Variants in FSCN1 observed in about 807,000 individuals in gnomAD.
FSCN1 encodes the protein fascin actin-bundling protein 1.
FSCN1 carries 10 observed loss-of-function variants against 39.7 expected under a neutral mutation model. The ratio of observed to expected loss-of-function variants is 0.25; its 90% CI spans 0.16 to 0.43. The LOEUF is 0.43. Ranked by LOEUF, FSCN1 falls within the 20% of genes least tolerant of loss-of-function variation. The pLI is 1.00. For synonymous variants in FSCN1, 322 were observed against 320.0 expected, an observed-to-expected ratio of 1.01 and a Z score of -0.07; for missense variants, 525 against 723.8, an observed-to-expected ratio of 0.73 and a Z score of 3.15.
chr7:5,595,398 T>G (rs1176240952), intron 1 of FSCN1, among the ~76,000 whole-genome samples: 1 of 152,162 alleles, frequency 6.6e-6, no homozygotes, highest in Non-Finnish European at 1.5e-5. Flanking sequence ...CCACAGCGCA[T>G]GGCGGGCAGA....
At chr7:5,601,628 G>A (rs887157637) in intron 1 of FSCN1, among the ~76,000 whole-genome samples, 16 of 152,070 alleles carry the variant, frequency 1.1e-4, no homozygotes, top group African/African-American at 2.9e-4. Flanking sequence ...ATGTGAGGCC[G>A]GGAGTTCAAG....
At chr7:5,600,406 T>C (rs1785804227) in intron 1 of FSCN1, among the ~76,000 whole-genome samples, 1 of 151,960 alleles carries the variant, frequency 6.6e-6, no homozygotes, top group South Asian at 2.1e-4. Flanking sequence ...ACAGCGAGAC[T>C]CTCTTTCTCA....
chr7:5,605,355 T>C lies in FSCN1; in HGVS notation c.1363T>C (p.Phe455Leu), dbSNP rs1785914870. 6.2e-7 allele frequency: 1 copy of C among 1,613,912 alleles called. No homozygotes were observed. Among genetic ancestry groups the C allele is most frequent in the African/African-American group, 1.3e-5 (1 of 75,042 alleles). ...GDTPVDFFFE[F>L]CDYNKVAIKV... The stretch of plus-strand genomic sequence containing the variant: ...CACTCCTGTGGACTTCTTCTTCGAG[T>C]TCTGCGACTATAACAAGGTGGCCAT... Residue 455 changes from phenylalanine to leucine, a missense_variant, in exon 5 of 5, where the codon TTC becomes CTC. By Grantham distance (22) the Phe-to-Leu change is conservative. Transcript: ENST00000382361. The surrounding 1 kb of genome is among the most constrained non-coding windows in gnomAD (Gnocchi z 6.9).
intron 1 of FSCN1, among the ~76,000 whole-genome samples, chr7:5,594,363 G>A (rs999393297): frequency 2.0e-5 from 3 of 151,770 alleles, no homozygotes; most frequent in African/African-American, 4.8e-5. Flanking sequence ...TCCGCTGGTG[G>A]GGGGGGGCGC....
At chr7:5,602,302 G>T (rs1467186507) in intron 1 of FSCN1, among the ~76,000 whole-genome samples, 2 of 151,540 alleles carry the variant, frequency 1.3e-5, no homozygotes, top group Non-Finnish European at 2.9e-5. Flanking sequence ...CTCCCAAAAG[G>T]CTGGGATTGC....
Position 5,603,634 on chromosome 7 carries a change from A to T in FSCN1, c.1111+17A>T, listed in dbSNP as rs1785875127. 6.2e-7 allele frequency: 1 copy of T among 1,613,888 alleles called. No individual in the cohort carries two copies. The highest frequency in any genetic ancestry group is 8.5e-7 in the Non-Finnish European group (1 of 1,179,990). On this transcript the variant is annotated intron_variant, in intron 3 of 4. Coordinates refer to ENST00000382361, the MANE Select transcript of FSCN1 (RefSeq NM_003088.4). This position sits in a 1 kb window ranked among gnomAD's most constrained non-coding sequence, Gnocchi z 8.5. ...AGACAGCAGGTAACACTAAAGCCCC[A>T]GTTCCCTGGAGCCGTCCTGGAGTCC...
At chr7:5,598,296 A>G (rs1021986896) in intron 1 of FSCN1, among the ~76,000 whole-genome samples, 4 of 152,204 alleles carry the variant, frequency 2.6e-5, no homozygotes, top group African/African-American at 9.7e-5. Flanking sequence ...ATTGAACGCA[A>G]CAGGCTGATG....
In FSCN1 at chr7:5,605,386, T is replaced by C. The variant is rs775260668; in HGVS notation, c.1394T>C (p.Val465Ala). ...GACTATAACAAGGTGGCCATCAAGG[T>C]GGGCGGGCGCTACCTGAAGGGCGAC... ...FCDYNKVAIKVGGRYLKGDHA... is the reference protein window; with the variant it reads ...FCDYNKVAIKAGGRYLKGDHA... Residue 465 changes from valine to alanine, a missense_variant, in exon 5 of 5, where the codon GTG becomes GCG. Physicochemically the swap from Val to Ala is moderately conservative, Grantham distance 64. Coordinates refer to ENST00000382361, the MANE Select transcript of FSCN1 (RefSeq NM_003088.4). The surrounding 1 kb of genome is among the most constrained non-coding windows in gnomAD (Gnocchi z 6.9). The C allele has an allele frequency of 1.4e-5, 23 of 1,613,620 alleles. No individual in the cohort carries two copies. In the South Asian group the frequency reaches 2.1e-4, roughly 15 times the overall value.
chr7:5,602,938 A>G, intron 1 of FSCN1: 1 of 372,280 alleles, frequency 2.7e-6, no homozygotes, highest in Non-Finnish European at 5.0e-6. Flanking sequence ...TCAAACTCCT[A>G]GACTCAAACA....
rs530061072 is a variant in FSCN1, at chr7:5,599,363, C to T, written c.833-3894C>T. On this transcript the variant is annotated intron_variant, in intron 1 of 4. Transcript: ENST00000382361. The surrounding 1 kb of genome is among the most constrained non-coding windows in gnomAD (Gnocchi z 5.6). The stretch of plus-strand genomic sequence containing the variant: ...GCGTGGCAAGAGGGCCACCCACCTC[C>T]GGTCCAGAGAGCCAGCCAGACCCTT... Among the ~76,000 whole-genome samples the T allele has an allele frequency of 5.3e-4, 81 of 152,294 alleles. No individual in the cohort carries two copies. The highest frequency in any genetic ancestry group is 1.9e-3 in the African/African-American group (77 of 41,568).
In FSCN1 at chr7:5,605,727, C is replaced by T; in HGVS notation, c.*253C>T. On this transcript the variant is annotated 3_prime_UTR_variant, in exon 5 of 5. Coordinates refer to ENST00000382361, the MANE Select transcript of FSCN1 (RefSeq NM_003088.4). This position sits in a 1 kb window ranked among gnomAD's most constrained non-coding sequence, Gnocchi z 6.9. ...CTGGGAGGGATTTCAGATGCCCCTG[C>T]CCTCTTGTCTGCCACGGGGCGAGTC... 2.0e-6 allele frequency: 1 copy of T among 492,822 alleles called. No individual in the cohort carries two copies. The highest frequency in any genetic ancestry group is 3.6e-6 in the Non-Finnish European group (1 of 276,844). The allele number at this position is 492,822 out of a possible 1,614,324, so 30.5% of individuals were successfully genotyped here.
chr7:5,600,226 A>T (rs978935228), intron 1 of FSCN1, among the ~76,000 whole-genome samples: 1 of 152,114 alleles, frequency 6.6e-6, no homozygotes, highest in Non-Finnish European at 1.5e-5. Flanking sequence ...GGCCTGGCCA[A>T]CATAATGAAA....
chr7:5,600,716 C>G (rs1417010126), intron 1 of FSCN1, among the ~76,000 whole-genome samples: 1 of 149,154 alleles, frequency 6.7e-6, no homozygotes, highest in Admixed American at 6.7e-5. Context: ...TGCAGTGGCG[C>G]GATCTTGGCT....
chr7:5,600,562 G>A (rs1426678774), intron 1 of FSCN1, among the ~76,000 whole-genome samples: 1 of 151,826 alleles, frequency 6.6e-6, no homozygotes, highest in Non-Finnish European at 1.5e-5. Context: ...GCGGATCTCA[G>A]CTCACTGCAG....
intron 1 of FSCN1, among the ~76,000 whole-genome samples, chr7:5,600,270 C>T (rs1466893386): frequency 6.6e-6 from 1 of 151,818 alleles, no homozygotes; most frequent in African/African-American, 2.4e-5. Context: ...AAAAATTAGC[C>T]GGGCATAGTG....
At position 5,603,937 on chromosome 7, in the gene FSCN1, G is replaced by A. The variant is rs1218071313; in HGVS notation, c.1186G>A (p.Gly396Ser). 13 of 1,613,914 alleles carry A rather than the reference G, an allele frequency of 8.1e-6. No individual in the cohort carries two copies. Among genetic ancestry groups the A allele is most frequent in the South Asian group, 4.4e-5 (4 of 91,092 alleles). Residue 396 changes from glycine (G) to serine (S), a missense_variant, in exon 4 of 5, where the codon GGC becomes AGC. By Grantham distance (56) the Gly-to-Ser change is moderately conservative (BLOSUM62 0). Around this residue, in one of 3 missense-constraint regions of FSCN1, gnomAD observed 275 missense variants for 351.9 expected, o/e 0.78. Transcript: ENST00000382361. The surrounding 1 kb of genome is among the most constrained non-coding windows in gnomAD (Gnocchi z 8.5). ...GTTCCGCGGGGAGCATGGCTTCATC[G>A]GCTGCCGCAAGGTCACGGGCACCCT... ...IVFRGEHGFI[G>S]CRKVTGTLDA... is the part of the protein sequence containing the mutation.
intron 1 of FSCN1, among the ~76,000 whole-genome samples, chr7:5,597,615 C>T (rs535073338): frequency 7.9e-5 from 12 of 151,692 alleles, no homozygotes; most frequent in African/African-American, 2.2e-4. Flanking sequence ...TGCAGTGAGC[C>T]GAGATCGCAC....
intron 1 of FSCN1, chr7:5,594,053 C>T (rs1365247400): frequency 7.2e-6 from 3 of 415,382 alleles, no homozygotes; most frequent in Non-Finnish European, 1.3e-5. Context: ...TAACCCCCCC[C>T]CCCGCCCAAT....
intron 1 of FSCN1, among the ~76,000 whole-genome samples, chr7:5,602,221 T>TTTTTAAG (rs554819239): frequency 6.8e-6 from 1 of 148,002 alleles, no homozygotes; most frequent in African/African-American, 2.6e-5. Flanking sequence ...TTTTTTTTTT[T>TTTTTAAG]AAGTAGGGTC....
Sources: allele counts gnomAD v4.1 joint callset (sites outside exome capture counted in the v4.1 genomes callset), GRCh38; gene constraint gnomAD v4.1.1; regional missense constraint gnomAD v4.1.1; non-coding constraint Gnocchi (gnomAD v3.1); transcripts MANE v1.5; gene names NCBI Gene and HGNC (gene_info 2026-07-23, HGNC 2026-07-21).